Variants in PIP5K1B observed in about 807,000 individuals in gnomAD.
PIP5K1B encodes phosphatidylinositol-4-phosphate 5-kinase type 1 beta, also known as phosphatidylinositol 4-phosphate 5-kinase type-1 beta.
Under a neutral mutation model 67.0 loss-of-function variants are expected in PIP5K1B, and 42 were observed. The observed-to-expected ratio is 0.63, with a 90% CI of 0.49 to 0.81. The LOEUF (loss-of-function observed/expected upper bound fraction) is 0.81. Among genes scored for constraint, PIP5K1B ranks in the 30% least tolerant of loss-of-function variants. The pLI, the probability that PIP5K1B is intolerant of heterozygous loss-of-function variation, is 0.00. For synonymous variants in PIP5K1B, 214 were observed against 231.4 expected (o/e 0.92, Z 0.68); for missense variants, 459 against 646.3 (o/e 0.71, Z 3.14).
intron 5 of PIP5K1B, among the ~76,000 whole-genome samples, chr9:68,869,441 G>C (rs985116219): frequency 6.6e-6 from 1 of 152,130 alleles, no homozygotes; most frequent in Non-Finnish European, 1.5e-5. Flanking sequence ...CACAAAACTG[G>C]TCCCTGGTGC....
At chr9:68,839,235 G>A (rs1422333993) in intron 4 of PIP5K1B, among the ~76,000 whole-genome samples, 1 of 151,692 alleles carries the variant, frequency 6.6e-6, no homozygotes, top group Non-Finnish European at 1.5e-5. Flanking sequence ...TTGGGCCTAT[G>A]CTTCTTCATT....
At chr9:68,949,832 A>G (rs79909953) in intron 14 of PIP5K1B, among the ~76,000 whole-genome samples, 5,070 of 152,268 alleles carry the variant, frequency 0.033, 125 homozygotes, top group African/African-American at 0.073. Flanking sequence ...AGAAAACCGA[A>G]GTGAGGCACA....
At chr9:68,931,372 C>A (rs1219986907) in intron 12 of PIP5K1B, among the ~76,000 whole-genome samples, 1 of 152,176 alleles carries the variant, frequency 6.6e-6, no homozygotes, top group Non-Finnish European at 1.5e-5. Flanking sequence ...GTATCTAGCA[C>A]TACACTAAGC....
At chr9:68,869,358 G>A (rs959911446) in intron 5 of PIP5K1B, among the ~76,000 whole-genome samples, 1 of 152,142 alleles carries the variant, frequency 6.6e-6, no homozygotes, top group Admixed American at 6.5e-5. Context: ...TGTAATGCCC[G>A]ATGATCTGAG....
chr9:68,820,597 G>T (rs955421816), intron 3 of PIP5K1B, among the ~76,000 whole-genome samples: 5 of 152,136 alleles, frequency 3.3e-5, no homozygotes, highest in Non-Finnish European at 5.9e-5. Flanking sequence ...TGAATCCCTA[G>T]GTTTAGCATA....
chr9:68,816,392 G>T (rs534401652), intron 2 of PIP5K1B, among the ~76,000 whole-genome samples: 1 of 152,260 alleles, frequency 6.6e-6, no homozygotes, highest in Non-Finnish European at 1.5e-5. Context: ...GGCTCCCAAA[G>T]TGCTGGAATT....
intron 4 of PIP5K1B, chr9:68,824,352 C>T (rs1311813228): frequency 3.0e-5 from 14 of 466,186 alleles, no homozygotes; most frequent in Admixed American, 2.7e-4. Flanking sequence ...TGTACCCTGC[C>T]CAAGAATTTA....
intron 14 of PIP5K1B, among the ~76,000 whole-genome samples, chr9:68,982,383 T>C (rs1829916180): frequency 6.6e-6 from 1 of 152,208 alleles, no homozygotes; most frequent in Non-Finnish European, 1.5e-5. Context: ...GCAAGAATAC[T>C]TCCCAAAGTC....
chr9:68,830,609 G>A (rs1001985709), intron 4 of PIP5K1B, among the ~76,000 whole-genome samples: 10 of 152,044 alleles, frequency 6.6e-5, no homozygotes, highest in Non-Finnish European at 1.5e-5. Context: ...ACCAATAAAC[G>A]TCACATTGCT....
chr9:68,867,283 C>T (rs753519319), intron 5 of PIP5K1B, among the ~76,000 whole-genome samples: 2 of 152,190 alleles, frequency 1.3e-5, no homozygotes, highest in Admixed American at 6.5e-5. Context: ...TGGCAGGTGC[C>T]GGCCTCAACA....
rs148208687 is a variant in PIP5K1B at position 68,798,025 on chromosome 9, T to A, written c.-85-20436T>A. On this transcript the variant is annotated intron_variant, in intron 2 of 15. Coordinates refer to ENST00000265382, the MANE Select transcript of PIP5K1B (RefSeq NM_003558.4). The stretch of plus-strand genomic sequence containing the variant: ...TACTGTTATGCTACTGCCTTTTTTT[T>A]AATAATTGAATTTGCATCCATGGTG... 3.6e-3 allele frequency among the ~76,000 whole-genome samples: 544 copies of A among 152,338 alleles called. 2 individuals carry two copies. Among genetic ancestry groups the A allele is most frequent in the African/African-American group, 0.011 (476 of 41,568 alleles).
intron 5 of PIP5K1B, among the ~76,000 whole-genome samples, chr9:68,874,349 T>C (rs932102692): frequency 1.3e-5 from 2 of 152,210 alleles, no homozygotes; most frequent in Admixed American, 6.5e-5. Flanking sequence ...TATTTCTGTA[T>C]GCCTAAGGAA....
At chr9:68,871,921 T>C (rs1287572676) in intron 5 of PIP5K1B, among the ~76,000 whole-genome samples, 1 of 144,814 alleles carries the variant, frequency 6.9e-6, no homozygotes, top group Non-Finnish European at 1.5e-5. Flanking sequence ...TTTTTTTTTT[T>C]CCACACCCTA....
At chr9:68,844,114 C>T (rs1479105786) in intron 4 of PIP5K1B, among the ~76,000 whole-genome samples, 1 of 152,174 alleles carries the variant, frequency 6.6e-6, no homozygotes, top group African/African-American at 2.4e-5. Context: ...TGCTGCAGGG[C>T]CTAAACAAGA....
chr9:68,958,149 A>G (rs1828499636), intron 14 of PIP5K1B, among the ~76,000 whole-genome samples: 2 of 152,340 alleles, frequency 1.3e-5, no homozygotes, highest in Non-Finnish European at 2.9e-5. Context: ...CTGGGATTAC[A>G]GGCACGAGCC....
At chr9:68,781,173 A>G in intron 2 of PIP5K1B, 2 of 1,116,670 alleles carry the variant, frequency 1.8e-6, no homozygotes, top group South Asian at 1.6e-5. Context: ...ATGTTATTCT[A>G]GAGAACTTCT....
At chr9:68,790,098 G>A (rs1456837374) in intron 2 of PIP5K1B, among the ~76,000 whole-genome samples, 2 of 151,972 alleles carry the variant, frequency 1.3e-5, no homozygotes, top group African/African-American at 4.8e-5. Context: ...AAAACTCTAA[G>A]TTAAAACTGT....
At chr9:68,942,674 A>G (rs906730001) in intron 14 of PIP5K1B, among the ~76,000 whole-genome samples, 1 of 152,144 alleles carries the variant, frequency 6.6e-6, no homozygotes, top group African/African-American at 2.4e-5. Flanking sequence ...TTACACCGAT[A>G]CTGACTAGCA....
chr9:68,784,165 T>C (rs1274293522), intron 2 of PIP5K1B: 1 of 167,134 alleles, frequency 6.0e-6, no homozygotes, highest in Non-Finnish European at 1.5e-5. Context: ...TACGTTATCA[T>C]AGTATTGTTC....
Sources: allele counts gnomAD v4.1 joint callset (sites outside exome capture counted in the v4.1 genomes callset), GRCh38; gene constraint gnomAD v4.1.1; transcripts MANE v1.5; gene names NCBI Gene and HGNC (gene_info 2026-07-23, HGNC 2026-07-21).